Variants in SBF2 observed in about 807,000 individuals in gnomAD.
SBF2 encodes the protein myotubularin-related protein 13.
A neutral mutation model predicts 225.2 loss-of-function variants in SBF2; 112 were observed. The ratio of observed to expected loss-of-function variants is 0.50; its 90% CI spans 0.43 to 0.58. The LOEUF (loss-of-function observed/expected upper bound fraction) is 0.58, where lower values mean the gene tolerates loss of function less well. SBF2 is among the 20% of genes least tolerant of loss of function. The pLI is 0.00. For synonymous variants in SBF2, 763 were observed against 773.3 expected (o/e 0.99, Z 0.22); for missense variants, 1,996 against 2,206.2 (o/e 0.90, Z 1.91).
intron 18 of SBF2, 47 bp from the exon 19 acceptor site, chr11:9,856,767 T>C (rs1256520310): frequency 6.5e-7 from 1 of 1,548,522 alleles, no homozygotes. Context: ...TCACTTCAGG[T>C]GAGCTTAAAA....
chr11:10,083,493 A>G (rs1055049051), intron 2 of SBF2, among the ~76,000 whole-genome samples: 2 of 152,200 alleles, frequency 1.3e-5, no homozygotes, highest in Admixed American at 6.5e-5. Flanking sequence ...ACACAAGGCT[A>G]TAATAACCAA....
chr11:10,070,676 T>G (rs943572264), intron 2 of SBF2, among the ~76,000 whole-genome samples: 1 of 152,156 alleles, frequency 6.6e-6, no homozygotes, highest in Non-Finnish European at 1.5e-5. Flanking sequence ...TTTAAAATAG[T>G]TTTTTTCCAA....
At chr11:9,919,356 C>T (rs1351381080) in intron 16 of SBF2, among the ~76,000 whole-genome samples, 5 of 151,280 alleles carry the variant, frequency 3.3e-5, no homozygotes, top group Non-Finnish European at 5.9e-5. Context: ...GGACGAGCCA[C>T]AGACAAAACT....
intron 34 of SBF2, among the ~76,000 whole-genome samples, chr11:9,789,713 G>T (rs1852617328): frequency 6.6e-6 from 1 of 152,074 alleles, no homozygotes; most frequent in South Asian, 2.1e-4. Context: ...GTCTTAACAT[G>T]AATCATTATG....
intron 2 of SBF2, among the ~76,000 whole-genome samples, chr11:10,109,059 A>T (rs901692120): frequency 2.6e-5 from 4 of 152,160 alleles, no homozygotes; most frequent in Non-Finnish European, 5.9e-5. Flanking sequence ...CAATATCTAC[A>T]ATTTGGTGAT....
rs557242925 is a variant in SBF2, at chr11:9,955,490, C to T, written c.1860+6467G>A. 1.1e-4 allele frequency among the ~76,000 whole-genome samples: 17 copies of T among 152,074 alleles called. No individual in the cohort carries two copies. The South Asian group carries it at 3.3e-3, about 30-fold the overall frequency. On this transcript the variant is annotated intron_variant, in intron 16 of 39. Coordinates refer to ENST00000256190, the MANE Select transcript of SBF2 (RefSeq NM_030962.4). The stretch of plus-strand genomic sequence containing the variant: ...AAAGAAGAGGTGCACCATATTTAAT[C>T]GCTAGCCAAATGGTAGGCAGTTAGG...
intron 1 of SBF2, among the ~76,000 whole-genome samples, chr11:10,228,803 C>T (rs1958691715): frequency 6.6e-6 from 1 of 152,134 alleles, no homozygotes; most frequent in Non-Finnish European, 1.5e-5. Context: ...CTCTGCCAGG[C>T]TTTGGTATCA....
intron 1 of SBF2, among the ~76,000 whole-genome samples, chr11:10,230,078 T>G (rs899519549): frequency 1.3e-5 from 2 of 152,216 alleles, no homozygotes; most frequent in African/African-American, 4.8e-5. Context: ...TGGCCTTCTT[T>G]GTCTCTTTTG....
chr11:10,160,919 G>T (rs1382592636), intron 2 of SBF2, among the ~76,000 whole-genome samples: 1 of 152,018 alleles, frequency 6.6e-6, no homozygotes, highest in Admixed American at 6.6e-5. Context: ...CTCATTACAG[G>T]TTCATGCCTC....
At chr11:10,136,578 T>C (rs1350393095) in intron 2 of SBF2, among the ~76,000 whole-genome samples, 2 of 152,176 alleles carry the variant, frequency 1.3e-5, no homozygotes, top group Non-Finnish European at 2.9e-5. Flanking sequence ...GAGGAGGATG[T>C]TGTATGGCCA....
At chr11:10,298,047 G>A (rs1446793138), upstream of SBF2, among the ~76,000 whole-genome samples, 1 of 152,256 alleles carries the variant, frequency 6.6e-6, no homozygotes, top group East Asian at 1.9e-4. Flanking sequence ...AGAAGGGTAT[G>A]TAACACTATC....
At chr11:10,138,504 C>G (rs1954490174) in intron 2 of SBF2, among the ~76,000 whole-genome samples, 1 of 150,540 alleles carries the variant, frequency 6.6e-6, no homozygotes, top group South Asian at 2.1e-4. Context: ...CTTGGCTTAA[C>G]TATTCTGAGC....
At chr11:9,936,610 A>G (rs1304177443) in intron 16 of SBF2, among the ~76,000 whole-genome samples, 2 of 152,368 alleles carry the variant, frequency 1.3e-5, no homozygotes, top group East Asian at 3.9e-4. Context: ...ACACCATGGA[A>G]TACTATGCAG....
intron 1 of SBF2, among the ~76,000 whole-genome samples, chr11:10,211,016 A>AAAAAAAAAAAAAAAAAAC (rs1957926226): frequency 7.3e-6 from 1 of 137,520 alleles, no homozygotes; most frequent in Non-Finnish European, 1.5e-5. Context: ...TCTTGACTCA[A>AAAAAAAAAAAAAAAAAAC]AAAAAAAAAA....
rs577794266 is a variant in SBF2 at position 9,929,162 on chromosome 11, C to T, written c.1860+32795G>A. 7 of 229,360 alleles carry T rather than the reference C, an allele frequency of 3.1e-5. No homozygotes were observed. The East Asian group carries it at 7.2e-4, about 24-fold the overall frequency. The allele number at this position is 229,360 out of a possible 1,614,324, so 14.2% of individuals were successfully genotyped here. ...CTTTTACAACTACACGAGAAGGTGC[C>T]GAAGAGCTCACCATTGACCATTCTA... On this transcript the variant is annotated intron_variant, in intron 16 of 39. Transcript: ENST00000256190.
intron 1 of SBF2, among the ~76,000 whole-genome samples, chr11:10,278,040 T>C (rs1267389657): frequency 6.6e-6 from 1 of 152,200 alleles, no homozygotes; most frequent in Non-Finnish European, 1.5e-5. Flanking sequence ...TCTCTGTACT[T>C]CCCTGCAATA....
intron 13 of SBF2, among the ~76,000 whole-genome samples, chr11:9,979,025 A>C (rs912852514): frequency 5.9e-5 from 9 of 152,212 alleles, no homozygotes; most frequent in Admixed American, 2.0e-4. Context: ...CAACATGTAA[A>C]GTCAACTACT....
chr11:10,278,626 C>G (rs928171951), intron 1 of SBF2, among the ~76,000 whole-genome samples: 8 of 151,738 alleles, frequency 5.3e-5, no homozygotes, highest in Non-Finnish European at 1.0e-4. Context: ...ACTAAAAATA[C>G]AAAAATATTA....
chr11:10,075,577 C>A (rs1423529529), intron 2 of SBF2, among the ~76,000 whole-genome samples: 1 of 152,138 alleles, frequency 6.6e-6, no homozygotes, highest in Non-Finnish European at 1.5e-5. Flanking sequence ...CTCATGAAAT[C>A]TGGTAGTTTA....
Sources: allele counts gnomAD v4.1 joint callset (sites outside exome capture counted in the v4.1 genomes callset), GRCh38; gene constraint gnomAD v4.1.1; transcripts MANE v1.5; gene names NCBI Gene and HGNC (gene_info 2026-07-23, HGNC 2026-07-21).